Variants in MAGI1 observed in about 807,000 individuals in gnomAD.
MAGI1 encodes the protein membrane associated guanylate kinase, WW and PDZ domain containing 1.
A neutral mutation model predicts 139.9 loss-of-function variants in MAGI1; 58 were observed. That is an observed-to-expected ratio of 0.41 (90% CI 0.34 to 0.52). The LOEUF (loss-of-function observed/expected upper bound fraction) is 0.52. Ranked by LOEUF, MAGI1 falls within the 20% of genes least tolerant of loss-of-function variation. MAGI1 has a pLI of 0.12. For synonymous variants in MAGI1, 812 were observed against 737.9 expected, an observed-to-expected ratio of 1.10 and a Z score of -1.63; for missense variants, 1,874 against 1,901.6, an observed-to-expected ratio of 0.99 and a Z score of 0.27.
At chr3:65,950,715 A>G (rs1288065235) in intron 1 of MAGI1, among the ~76,000 whole-genome samples, 2 of 152,034 alleles carry the variant, frequency 1.3e-5, no homozygotes, top group African/African-American at 4.8e-5. Context: ...GCTACCCCCC[A>G]CTGGTCGGCA....
chr3:65,932,711 C>T (rs922263865), intron 1 of MAGI1, among the ~76,000 whole-genome samples: 1 of 151,862 alleles, frequency 6.6e-6, no homozygotes, highest in Non-Finnish European at 1.5e-5. Context: ...AATTCCACCT[C>T]GTAGATGGAA....
chr3:65,952,757 T>C (rs542667951), intron 1 of MAGI1, among the ~76,000 whole-genome samples: 4 of 152,184 alleles, frequency 2.6e-5, no homozygotes, highest in Non-Finnish European at 5.9e-5. Context: ...GAGCTTGCAG[T>C]GAGCCAAGAT....
At chr3:65,869,810 G>A (rs551256132) in intron 1 of MAGI1, among the ~76,000 whole-genome samples, 3 of 152,214 alleles carry the variant, frequency 2.0e-5, no homozygotes, top group South Asian at 4.1e-4. Context: ...GATCCTGGCC[G>A]CTTGGTGTCT....
chr3:65,451,574 T>C (rs1949034535), intron 6 of MAGI1, among the ~76,000 whole-genome samples: 1 of 152,210 alleles, frequency 6.6e-6, no homozygotes, highest in Non-Finnish European at 1.5e-5. Context: ...AGATCCAAAA[T>C]GCTCCAGTGA....
chr3:65,508,995 G>C (rs1400135263), intron 2 of MAGI1, among the ~76,000 whole-genome samples: 2 of 152,180 alleles, frequency 1.3e-5, no homozygotes, highest in African/African-American at 2.4e-5. Context: ...GGAAGACCTG[G>C]TGATACGATG....
chr3:65,849,373 C>G (rs893038338), intron 1 of MAGI1, among the ~76,000 whole-genome samples: 2 of 151,650 alleles, frequency 1.3e-5, no homozygotes, highest in Non-Finnish European at 2.9e-5. Flanking sequence ...GTTGGGTAGC[C>G]TCTTTGTCAG....
intron 1 of MAGI1, among the ~76,000 whole-genome samples, chr3:66,013,406 T>G (rs201482355): frequency 9.1e-6 from 1 of 109,986 alleles, no homozygotes; most frequent in Non-Finnish European, 1.8e-5. Context: ...CTGTCTCAAA[T>G]AAAAAAAAAA....
chr3:65,601,680 T>TA (rs1325336262), intron 2 of MAGI1, among the ~76,000 whole-genome samples: 1 of 151,652 alleles, frequency 6.6e-6, no homozygotes, highest in Non-Finnish European at 1.5e-5. Flanking sequence ...AAGAGTAAGA[T>TA]AAAAAAGCAG....
chr3:65,465,374 TTC>T (rs891704298), intron 5 of MAGI1, among the ~76,000 whole-genome samples: 18 of 151,826 alleles, frequency 1.2e-4, no homozygotes, highest in African/African-American at 3.6e-4. Flanking sequence ...TGTTTTAGAA[TTC>T]TCTTTTTGTT....
At chr3:65,643,515 A>G (rs569066852) in intron 1 of MAGI1, among the ~76,000 whole-genome samples, 2 of 152,300 alleles carry the variant, frequency 1.3e-5, no homozygotes, top group Admixed American at 6.5e-5. Flanking sequence ...TCTGAAATGT[A>G]AAGAGAAAAA....
At chr3:65,716,755 C>G (rs1291970490) in intron 1 of MAGI1, among the ~76,000 whole-genome samples, 1 of 152,144 alleles carries the variant, frequency 6.6e-6, no homozygotes, top group Non-Finnish European at 1.5e-5. Context: ...ATGGAGGACC[C>G]ATCACTGACC....
At chr3:65,466,048 G>C (rs1369875280) in intron 5 of MAGI1, among the ~76,000 whole-genome samples, 1 of 152,046 alleles carries the variant, frequency 6.6e-6, no homozygotes, top group Non-Finnish European at 1.5e-5. Flanking sequence ...TTTGGCTACT[G>C]TATTTTTCAG....
chr3:65,985,873 C>T (rs2065854358), intron 1 of MAGI1, among the ~76,000 whole-genome samples: 1 of 152,158 alleles, frequency 6.6e-6, no homozygotes, highest in Admixed American at 6.5e-5. Flanking sequence ...TAGAAAATGG[C>T]AATTTTGAAA....
chr3:65,436,771 T>A (rs1559552603), intron 10 of MAGI1, among the ~76,000 whole-genome samples: 1 of 152,020 alleles, frequency 6.6e-6, no homozygotes, highest in African/African-American at 2.4e-5. Flanking sequence ...AATTTCCTTG[T>A]CACAATGAGA....
At chr3:65,447,882 C>T in intron 7 of MAGI1, 140 bp downstream of exon 7, 1 of 999,482 alleles carries the variant, frequency 1.0e-6, no homozygotes, top group Non-Finnish European at 1.6e-6. Flanking sequence ...ACTGACCTTT[C>T]CTGGATAAGC....
At chr3:65,604,471 A>G (rs1202901964) in intron 2 of MAGI1, among the ~76,000 whole-genome samples, 1 of 152,222 alleles carries the variant, frequency 6.6e-6, no homozygotes, top group East Asian at 1.9e-4. Context: ...AAATAATAAC[A>G]GAGAAACGAT....
chr3:65,456,525 A>G lies in MAGI1; in HGVS notation c.960-3185T>C, dbSNP rs148903593. Among the ~76,000 whole-genome samples the G allele has an allele frequency of 3.7e-3, 568 of 152,096 alleles. 3 individuals are homozygous for G. The highest frequency in any genetic ancestry group is 0.013 in the African/African-American group (548 of 41,494). On this transcript the variant is annotated intron_variant, in intron 5 of 22. Coordinates refer to ENST00000402939, the MANE Select transcript of MAGI1 (RefSeq NM_001033057.2). ...CTCTTCCACAAATCAAAAAATTTTC[A>G]TTTTAATGATGTCAAATTTATCATT...
At chr3:65,433,690 T>C (rs900043796) in intron 10 of MAGI1, among the ~76,000 whole-genome samples, 5 of 152,034 alleles carry the variant, frequency 3.3e-5, no homozygotes, top group African/African-American at 1.2e-4. Context: ...AATGTACTCA[T>C]TTTCACTTCC....
At chr3:65,725,553 T>C (rs1346238425) in intron 1 of MAGI1, among the ~76,000 whole-genome samples, 1 of 152,140 alleles carries the variant, frequency 6.6e-6, no homozygotes, top group South Asian at 2.1e-4. Context: ...GCTCGACAAC[T>C]TGGTCACTGA....
Sources: gnomAD v4.1 joint callset for allele counts (sites outside exome capture counted in the v4.1 genomes callset) on GRCh38, gnomAD v4.1.1 for gene constraint, MANE v1.5 for transcripts, NCBI Gene and HGNC (gene_info 2026-07-23, HGNC 2026-07-21) for gene names.